The following GRM8 variants were observed in gnomAD, a reference collection of about 807,000 sequenced individuals.
The protein encoded by GRM8 is glutamate metabotropic receptor 8.
Under a neutral mutation model 87.2 loss-of-function variants are expected in GRM8, and 47 were observed. The observed-to-expected ratio is 0.54, with a 90% CI of 0.43 to 0.69. The LOEUF (loss-of-function observed/expected upper bound fraction) is 0.69, where lower values mean the gene tolerates loss of function less well. Ranked by LOEUF, GRM8 falls within the 30% of genes least tolerant of loss-of-function variation. GRM8 has a pLI of 0.00. For missense variants in GRM8, 1,019 were observed against 1,139.2 expected (o/e 0.89, Z 1.52); for synonymous variants, 396 against 404.5 (o/e 0.98, Z 0.25).
At chr7:126,604,300 C>G (rs555854807) in intron 8 of GRM8, among the ~76,000 whole-genome samples, 1 of 152,152 alleles carries the variant, frequency 6.6e-6, no homozygotes, top group East Asian at 1.9e-4. Flanking sequence ...AATATCAAAA[C>G]AAATACTTTG....
rs568374254 is a variant in GRM8 at position 126,527,678 on chromosome 7, C to T, written c.2430+5274G>A. Among the ~76,000 whole-genome samples, 21 of 152,278 alleles carry T rather than the reference C, an allele frequency of 1.4e-4. No homozygotes were observed. In the South Asian group the frequency reaches 2.5e-3, roughly 18 times the overall value. On this transcript the variant is annotated intron_variant, in intron 9 of 10. Transcript: ENST00000339582. Reference sequence around the variant, plus strand: ...TATTACTAATCTCCAAACTACCTCTCGAATATTAGAATTATTCACATTCCA... The same window carrying T: ...TATTACTAATCTCCAAACTACCTCTTGAATATTAGAATTATTCACATTCCA...
In GRM8 at chr7:126,623,139, T is replaced by C. The variant is rs189222050; in HGVS notation, c.1358-13641A>G. Among the ~76,000 whole-genome samples the C allele has an allele frequency of 1.0e-3, 154 of 152,304 alleles. 1 individual carries two copies. The highest frequency in any genetic ancestry group is 4.6e-3 in the Admixed American group (70 of 15,292). On this transcript the variant is annotated intron_variant, in intron 7 of 10. Transcript: ENST00000339582. ...TAAATCTTAATGTAAACTAAGTTAA[T>C]AATGATGTATCATACTGATCCATTA...
intron 7 of GRM8, among the ~76,000 whole-genome samples, chr7:126,630,797 G>A (rs899975947): frequency 3.9e-5 from 6 of 151,930 alleles, no homozygotes; most frequent in Admixed American, 2.6e-4. Flanking sequence ...TTATCTCAAT[G>A]GATGCAGAAA....
intron 8 of GRM8, among the ~76,000 whole-genome samples, chr7:126,573,671 G>A (rs375164402): frequency 5.2e-4 from 78 of 151,454 alleles, no homozygotes; most frequent in African/African-American, 1.6e-3. Flanking sequence ...TGCAACGTCC[G>A]CCTCCCGGGT....
chr7:126,444,595 C>G (rs773174406), intron 10 of GRM8, among the ~76,000 whole-genome samples: 5 of 151,970 alleles, frequency 3.3e-5, no homozygotes, highest in African/African-American at 7.2e-5. Flanking sequence ...ACCAATATGT[C>G]TAATTAAGCA....
At chr7:126,610,249 C>T (rs1798784519) in intron 7 of GRM8, among the ~76,000 whole-genome samples, 4 of 152,186 alleles carry the variant, frequency 2.6e-5, no homozygotes, top group African/African-American at 9.7e-5. Flanking sequence ...TATGTAATTA[C>T]AGGGGAAGAG....
At chr7:126,936,462 G>C (rs2518956) in intron 3 of GRM8, among the ~76,000 whole-genome samples, 116,670 of 152,038 alleles carry the variant, frequency 0.77, 45,121 homozygotes, top group East Asian at 0.97. Context: ...ACTATCCGCT[G>C]TTCACTCTCC....
At chr7:126,915,668 G>T (rs561342535) in intron 3 of GRM8, among the ~76,000 whole-genome samples, 4 of 152,188 alleles carry the variant, frequency 2.6e-5, no homozygotes, top group African/African-American at 4.8e-5. Context: ...AAGAGTCAGA[G>T]AAACAAAGAA....
intron 3 of GRM8, among the ~76,000 whole-genome samples, chr7:127,100,892 T>C (rs12706761): frequency 0.24 from 36,022 of 152,054 alleles, 5,036 homozygotes; most frequent in Non-Finnish European, 0.33. Context: ...CCCCTATACT[T>C]CTCACCTTAG....
intron 9 of GRM8, among the ~76,000 whole-genome samples, chr7:126,521,339 A>C (rs1812952201): frequency 6.6e-6 from 1 of 152,164 alleles, no homozygotes; most frequent in South Asian, 2.1e-4. Flanking sequence ...TAGAGAGTCT[A>C]AAATTCCAAG....
At chr7:127,096,715 C>T (rs1198929321) in intron 3 of GRM8, among the ~76,000 whole-genome samples, 1 of 152,142 alleles carries the variant, frequency 6.6e-6, no homozygotes, top group African/African-American at 2.4e-5. Context: ...ACCCAGATCC[C>T]TTTGCTACAA....
At chr7:126,528,552 T>G (rs1030779014) in intron 9 of GRM8, among the ~76,000 whole-genome samples, 9 of 151,932 alleles carry the variant, frequency 5.9e-5, no homozygotes, top group Admixed American at 2.0e-4. Flanking sequence ...GTCATCTAAC[T>G]TTCAGCAAAA....
intron 3 of GRM8, among the ~76,000 whole-genome samples, chr7:127,036,771 T>C (rs1389428188): frequency 6.6e-6 from 1 of 152,118 alleles, no homozygotes; most frequent in Non-Finnish European, 1.5e-5. Context: ...CCTGTCTGGT[T>C]TTAGTACTAA....
chr7:127,147,950 T>TCAACACATTAATGTGGCCCATCCC, intron 2 of GRM8, among the ~76,000 whole-genome samples: 2 of 152,186 alleles, frequency 1.3e-5, no homozygotes, highest in South Asian at 4.1e-4. Context: ...ACTCAACTCT[T>TCAACACATTAATGTGGCCCATCCC]CAACACATTA....
At chr7:126,722,071 A>G (rs74368360) in intron 7 of GRM8, among the ~76,000 whole-genome samples, 4,171 of 152,216 alleles carry the variant, frequency 0.027, 213 homozygotes, top group African/African-American at 0.095. Context: ...GAATAACTAG[A>G]AGATACTGTT....
intron 3 of GRM8, among the ~76,000 whole-genome samples, chr7:126,929,881 A>AC (rs1805582251): frequency 4.3e-5 from 1 of 23,264 alleles, no homozygotes; most frequent in Non-Finnish European, 8.1e-5. Flanking sequence ...TTTAAAATAT[A>AC]AAGAAACTTA....
At chr7:126,499,819 G>A (rs954397574) in intron 9 of GRM8, among the ~76,000 whole-genome samples, 3 of 151,840 alleles carry the variant, frequency 2.0e-5, no homozygotes, top group African/African-American at 4.8e-5. Context: ...TGGGGAAAAA[G>A]GAAATGTTGG....
At chr7:126,699,309 A>G (rs557586244) in intron 7 of GRM8, among the ~76,000 whole-genome samples, 76 of 152,322 alleles carry the variant, frequency 5.0e-4, no homozygotes, top group Non-Finnish European at 1.0e-3. Context: ...AATTGTAACT[A>G]TACTGCTTTT....
intron 8 of GRM8, among the ~76,000 whole-genome samples, chr7:126,558,895 T>A (rs1483996893): frequency 6.6e-6 from 1 of 152,106 alleles, no homozygotes; most frequent in Non-Finnish European, 1.5e-5. Flanking sequence ...AAGTAGTGAA[T>A]CTAACCAAAG....
Sources: allele counts gnomAD v4.1 joint callset (sites outside exome capture counted in the v4.1 genomes callset), GRCh38; gene constraint gnomAD v4.1.1; transcripts MANE v1.5; gene names NCBI Gene and HGNC (gene_info 2026-07-23, HGNC 2026-07-21).